The following ZFHX4 variants were observed in gnomAD, a reference collection of about 807,000 sequenced individuals.
ZFHX4 encodes the protein zinc finger homeobox 4, also known as zinc finger homeobox protein 4.
ZFHX4 carries 56 observed loss-of-function variants against 267.6 expected under a neutral mutation model. The ratio of observed to expected loss-of-function variants is 0.21; its 90% CI spans 0.17 to 0.26. The LOEUF (loss-of-function observed/expected upper bound fraction) is 0.26. Among genes scored for constraint, ZFHX4 ranks in the 10% least tolerant of loss-of-function variants. The pLI, the probability that ZFHX4 is intolerant of heterozygous loss-of-function variation, is 1.00. For synonymous variants in ZFHX4, 1,778 were observed against 1,665.6 expected (o/e 1.07, Z -1.64); for missense variants, 4,332 against 4,420.0 (o/e 0.98, Z 0.56).
At chr8:76,848,848 C>T in intron 6 of ZFHX4, 147 bp from the exon 7 acceptor site, 1 of 682,426 alleles carries the variant, frequency 1.5e-6, no homozygotes, top group Non-Finnish European at 2.3e-6. Flanking sequence ...GTTCTTATTG[C>T]CTTTTGAGAT....
intron 1 of ZFHX4, among the ~76,000 whole-genome samples, chr8:76,688,550 T>A (rs117015826): frequency 0.014 from 2,188 of 152,226 alleles, 22 homozygotes; most frequent in Non-Finnish European, 0.023. Context: ...TTGGAGACAT[T>A]TGTAGTAGGG....
intron 4 of ZFHX4, among the ~76,000 whole-genome samples, chr8:76,789,269 T>C (rs569057798): frequency 1.4e-4 from 21 of 152,180 alleles, no homozygotes; most frequent in Non-Finnish European, 2.6e-4. Context: ...CTAAATTCTG[T>C]CTTTTGATTA....
chr8:76,782,525 T>C (rs1402635442), intron 4 of ZFHX4, among the ~76,000 whole-genome samples: 1 of 152,020 alleles, frequency 6.6e-6, no homozygotes, highest in Non-Finnish European at 1.5e-5. Context: ...CATTTTTTCT[T>C]AATTCAGTAT....
At chr8:76,775,895 C>CTTTTTTTTT (rs904035424) in intron 3 of ZFHX4, among the ~76,000 whole-genome samples, 1 of 122,472 alleles carries the variant, frequency 8.2e-6, no homozygotes, top group African/African-American at 2.9e-5. Context: ...AGTAAGTTTT[C>CTTTTTTTTT]TTTTTTTTTT....
intron 4 of ZFHX4, among the ~76,000 whole-genome samples, chr8:76,780,172 T>C (rs1167300009): frequency 6.6e-6 from 1 of 152,160 alleles, no homozygotes; most frequent in African/African-American, 2.4e-5. Context: ...CCTTTACTTA[T>C]AGCACCTCTT....
chr8:76,827,219 C>T (rs981033884), intron 4 of ZFHX4, among the ~76,000 whole-genome samples: 2 of 152,212 alleles, frequency 1.3e-5, no homozygotes, highest in Admixed American at 1.3e-4. Flanking sequence ...TAGATTCTCA[C>T]AAGGAGCACA....
In ZFHX4 at chr8:76,707,829, C is replaced by A. The variant is rs1808319220; in HGVS notation, c.2874C>A (p.Phe958Leu). ...ACAACACTCAGCTCAAAGCCAACTT[C>A]CAGCTACACTGCAAGACTGATAAAC... ...CNYNTQLKAN[F>L]QLHCKTDKHM... Residue 958 changes from phenylalanine (F) to leucine (L), a missense_variant, in exon 3 of 11, where the codon TTC (phenylalanine) becomes TTA (leucine). Phe to Leu is a conservative substitution (Grantham distance 22). Coordinates refer to ENST00000651372, the MANE Select transcript of ZFHX4 (RefSeq NM_024721.5). 6.2e-7 allele frequency: 1 copy of A among 1,614,022 alleles called. No homozygotes were observed. Among genetic ancestry groups the A allele is most frequent in the Non-Finnish European group, 8.5e-7 (1 of 1,180,028 alleles).
intron 10 of ZFHX4, 132 bp downstream of exon 10, chr8:76,856,432 A>T (rs896574352): frequency 9.3e-7 from 1 of 1,076,018 alleles, no homozygotes; most frequent in Non-Finnish European, 1.4e-6. Flanking sequence ...TATTTAAAGT[A>T]TATATTATAT....
chr8:76,718,935 T>TCTCACACACA (rs1808646640), intron 3 of ZFHX4, among the ~76,000 whole-genome samples: 1 of 141,280 alleles, frequency 7.1e-6, no homozygotes, highest in Non-Finnish European at 1.6e-5. Context: ...CTGAAATTGA[T>TCTCACACACA]CACACACACA....
intron 4 of ZFHX4, among the ~76,000 whole-genome samples, chr8:76,779,949 G>T (rs550169698): frequency 6.6e-6 from 1 of 152,030 alleles, no homozygotes; most frequent in East Asian, 1.9e-4. Context: ...GCTTGGATAA[G>T]AATATTTTTG....
At chr8:76,862,728 A>C (rs1812902340) in intron 10 of ZFHX4, among the ~76,000 whole-genome samples, 1 of 152,168 alleles carries the variant, frequency 6.6e-6, no homozygotes, top group Non-Finnish European at 1.5e-5. Flanking sequence ...TGCTTAAAAT[A>C]AATAACAGAA....
At chr8:76,806,515 A>G (rs1811249338) in intron 4 of ZFHX4, among the ~76,000 whole-genome samples, 2 of 152,112 alleles carry the variant, frequency 1.3e-5, no homozygotes, top group South Asian at 2.1e-4. Flanking sequence ...AGGTAATGAT[A>G]ATTTATTTTA....
intron 3 of ZFHX4, among the ~76,000 whole-genome samples, chr8:76,726,572 C>T (rs1274155081): frequency 6.6e-6 from 1 of 152,090 alleles, no homozygotes; most frequent in Non-Finnish European, 1.5e-5. Flanking sequence ...TTTGCCTGAG[C>T]ATTTAAATGA....
At chr8:76,726,244 A>G (rs1182822385) in intron 3 of ZFHX4, among the ~76,000 whole-genome samples, 2 of 152,118 alleles carry the variant, frequency 1.3e-5, no homozygotes, top group Non-Finnish European at 2.9e-5. Context: ...GTTAAAATGG[A>G]CATTTGTAAT....
intron 3 of ZFHX4, among the ~76,000 whole-genome samples, chr8:76,738,643 CTTCCTTCT>C (rs1459691749): frequency 7.2e-6 from 1 of 138,414 alleles, no homozygotes; most frequent in African/African-American, 2.7e-5. Context: ...TCCTTCCTTC[CTTCCTTCT>C]TTCCTTCCTC....
At chr8:76,698,689 A>G (rs1052402992) in intron 1 of ZFHX4, among the ~76,000 whole-genome samples, 20 of 152,242 alleles carry the variant, frequency 1.3e-4, no homozygotes, top group Admixed American at 9.2e-4. Context: ...GAGAAAAATG[A>G]GAGGAAAACA....
intron 1 of ZFHX4, among the ~76,000 whole-genome samples, chr8:76,690,120 G>A (rs1807787532): frequency 6.6e-6 from 1 of 151,916 alleles, no homozygotes; most frequent in Non-Finnish European, 1.5e-5. Flanking sequence ...ATTACTGAAT[G>A]GTATGCACTG....
At position 76,854,776 on chromosome 8, in the gene ZFHX4, ATACTC is replaced by A. The variant is rs1292492121; in HGVS notation, c.7858_7862del (p.Leu2620Ter). On this transcript the variant is annotated frameshift_variant, in exon 10 of 11. Transcript: ENST00000651372. LOFTEE classifies it high-confidence loss of function. ...CACGATCACCCCGGAACAGCTGGAA[ATACTC>A]TATGAAAAATACTTGCTGGATTCCA... 1 of 1,611,130 alleles carries A rather than the reference ATACTC, an allele frequency of 6.2e-7. No individual in the cohort carries two copies. Among genetic ancestry groups the A allele is most frequent in the Non-Finnish European group, 8.5e-7 (1 of 1,178,798 alleles).
chr8:76,765,593 G>A (rs1369456760), intron 3 of ZFHX4, among the ~76,000 whole-genome samples: 1 of 152,018 alleles, frequency 6.6e-6, no homozygotes, highest in East Asian at 1.9e-4. Flanking sequence ...AAATTGGGTG[G>A]CAGTTTGAAA....
Sources: gnomAD v4.1 joint callset for allele counts (sites outside exome capture counted in the v4.1 genomes callset) on GRCh38, gnomAD v4.1.1 for gene constraint, MANE v1.5 for transcripts, NCBI Gene and HGNC (gene_info 2026-07-23, HGNC 2026-07-21) for gene names.